The following GLI2 variants were observed in gnomAD, a reference collection of about 807,000 sequenced individuals.
GLI2 encodes GLI family zinc finger 2.
In GLI2, 22 loss-of-function variants were observed where a neutral mutation model predicts 78.9. The ratio of observed to expected loss-of-function variants is 0.28; its 90% CI spans 0.20 to 0.40. The LOEUF (loss-of-function observed/expected upper bound fraction) is 0.40. GLI2 is among the 10% of genes least tolerant of loss of function. The probability of loss-of-function intolerance (pLI) is 1.00; values close to 1 mark genes in which losing one functional copy is unlikely to be tolerated. For missense variants in GLI2, 2,097 were observed against 2,213.2 expected (o/e 0.95, Z 1.05); for synonymous variants, 974 against 963.7 (o/e 1.01, Z -0.20).
chr2:120,821,534 A>G (rs1685775310), intron 2 of GLI2, among the ~76,000 whole-genome samples: 1 of 152,104 alleles, frequency 6.6e-6, no homozygotes, highest in African/African-American at 2.4e-5. Flanking sequence ...TAGCCTCATC[A>G]AACGTGAGGA....
intron 2 of GLI2, among the ~76,000 whole-genome samples, chr2:120,848,796 A>G (rs1298851774): frequency 6.6e-6 from 1 of 152,122 alleles, no homozygotes; most frequent in Non-Finnish European, 1.5e-5. Flanking sequence ...ACAGATAGTC[A>G]CTTTTCTTAG....
chr2:120,969,844 G>A (rs1031076654), intron 6 of GLI2, among the ~76,000 whole-genome samples: 8 of 152,220 alleles, frequency 5.3e-5, no homozygotes, highest in Non-Finnish European at 1.2e-4. Context: ...AGAGGAAGCT[G>A]GAGGAAGCCA....
chr2:120,810,090 G>C (rs1037191627), intron 2 of GLI2, among the ~76,000 whole-genome samples: 7 of 152,220 alleles, frequency 4.6e-5, no homozygotes, highest in African/African-American at 1.7e-4. Flanking sequence ...CTACTCTGCT[G>C]GGGGGAGCCA....
chr2:120,799,294 CTTG>C (rs1280537288), intron 2 of GLI2, among the ~76,000 whole-genome samples: 4 of 152,226 alleles, frequency 2.6e-5, no homozygotes, highest in Non-Finnish European at 4.4e-5. Flanking sequence ...CCCGCAGGCC[CTTG>C]TTGTCTGATC....
At chr2:120,919,879 C>T (rs1021861117) in intron 2 of GLI2, among the ~76,000 whole-genome samples, 3 of 152,176 alleles carry the variant, frequency 2.0e-5, no homozygotes, top group African/African-American at 7.2e-5. Flanking sequence ...GGATCCAGGC[C>T]CCAGCCATGC....
At chr2:120,958,027 C>G (rs867299875) in intron 5 of GLI2, among the ~76,000 whole-genome samples, 8 of 152,294 alleles carry the variant, frequency 5.3e-5, no homozygotes, top group African/African-American at 1.7e-4. Context: ...TGGACTTGAG[C>G]TCAGCCCAGA....
chr2:120,758,718 C>T (rs1222396091), intron 1 of GLI2, among the ~76,000 whole-genome samples: 1 of 152,250 alleles, frequency 6.6e-6, no homozygotes, highest in Non-Finnish European at 1.5e-5. Flanking sequence ...GCCCTTGGGC[C>T]TCCTTGGCTT....
At chr2:120,893,004 C>T (rs1202660523) in intron 2 of GLI2, among the ~76,000 whole-genome samples, 4 of 152,214 alleles carry the variant, frequency 2.6e-5, no homozygotes, top group Non-Finnish European at 5.9e-5. Context: ...ACCGCTAACC[C>T]GAGGAGTGAC....
At chr2:120,759,792 C>G (rs1683160444) in intron 1 of GLI2, among the ~76,000 whole-genome samples, 2 of 152,148 alleles carry the variant, frequency 1.3e-5, no homozygotes, top group Admixed American at 1.3e-4. Flanking sequence ...TCTCTTCTGC[C>G]TTGGATTTTC....
chr2:120,939,118 C>T (rs1174349313), intron 3 of GLI2, among the ~76,000 whole-genome samples: 2 of 152,072 alleles, frequency 1.3e-5, no homozygotes, highest in East Asian at 3.9e-4. Context: ...CCCGTCTCTA[C>T]TAAAAATACA....
At chr2:120,796,537 G>A (rs1684403756) in intron 1 of GLI2, among the ~76,000 whole-genome samples, 1 of 152,190 alleles carries the variant, frequency 6.6e-6, no homozygotes, top group African/African-American at 2.4e-5. Flanking sequence ...CCCTCTGACT[G>A]CAGTGGGGTG....
At chr2:120,827,800 T>G (rs954302221) in intron 2 of GLI2, among the ~76,000 whole-genome samples, 3 of 152,230 alleles carry the variant, frequency 2.0e-5, no homozygotes, top group Non-Finnish European at 2.9e-5. Flanking sequence ...TACTGTTTTA[T>G]TCCACTTATA....
At chr2:120,984,339 C>A in intron 11 of GLI2, 132 bp from the exon 12 acceptor site, 2 of 943,656 alleles carry the variant, frequency 2.1e-6, no homozygotes, top group Admixed American at 1.7e-5. Flanking sequence ...GCAAATTTGA[C>A]ACAGCACCTA....
intron 10 of GLI2, 97 bp downstream of exon 10, chr2:120,978,680 C>T: frequency 7.4e-7 from 1 of 1,357,156 alleles, no homozygotes; most frequent in Non-Finnish European, 1.0e-6. Flanking sequence ...CACAGGCACA[C>T]CTGGGTGGGG....
intron 1 of GLI2, among the ~76,000 whole-genome samples, chr2:120,777,129 G>A (rs549747771): frequency 3.3e-5 from 5 of 152,330 alleles, no homozygotes; most frequent in African/African-American, 1.2e-4. Flanking sequence ...GAGAGTGGAT[G>A]AATGTGAGAG....
At chr2:120,937,441 C>T (rs1680250548) in intron 3 of GLI2, among the ~76,000 whole-genome samples, 1 of 152,162 alleles carries the variant, frequency 6.6e-6, no homozygotes, top group South Asian at 2.1e-4. Context: ...ACCCCATGAT[C>T]TGGTTGGGGA....
At position 120,895,329 on chromosome 2, in the gene GLI2, G is replaced by A. The variant is rs531552276; in HGVS notation, c.149-32032G>A. Among the ~76,000 whole-genome samples the A allele has an allele frequency of 3.3e-4, 51 of 152,364 alleles. No individual in the cohort carries two copies. In the East Asian group the frequency reaches 8.9e-3, roughly 26 times the overall value. The stretch of plus-strand genomic sequence containing the variant: ...CACTGGGGAACTGATGGAAGGAACA[G>A]TCCTTTGTTAGAAGGGGAGGAAGGG... On this transcript the variant is annotated intron_variant, in intron 2 of 13. Coordinates refer to ENST00000361492, the MANE Select transcript of GLI2 (RefSeq NM_001374353.1).
At chr2:120,978,683 G>C in intron 10 of GLI2, 100 bp downstream of exon 10, 1 of 1,316,170 alleles carries the variant, frequency 7.6e-7, no homozygotes. Context: ...AGGCACACCT[G>C]GGTGGGGCAG....
intron 2 of GLI2, among the ~76,000 whole-genome samples, chr2:120,830,526 G>A (rs1451766891): frequency 6.6e-6 from 1 of 152,246 alleles, no homozygotes; most frequent in African/African-American, 2.4e-5. Flanking sequence ...CAGGCCCCAC[G>A]TCCATCCATG....
Sources: allele counts gnomAD v4.1 joint callset (sites outside exome capture counted in the v4.1 genomes callset), GRCh38; gene constraint gnomAD v4.1.1; transcripts MANE v1.5; gene names NCBI Gene and HGNC (gene_info 2026-07-23, HGNC 2026-07-21).